PON2: variants seen among roughly 807,000 people sequenced by gnomAD.
PON2 encodes the protein serum paraoxonase/arylesterase 2.
A neutral mutation model predicts 36.6 loss-of-function variants in PON2; 27 were observed. That is an observed-to-expected ratio of 0.74 (90% CI 0.54 to 1.02). PON2 has a LOEUF of 1.02. Among genes scored for constraint, PON2 ranks in the 50% least tolerant of loss-of-function variants. PON2 has a pLI of 0.00. For missense variants in PON2, 363 were observed against 421.1 expected (o/e 0.86, Z 1.21); for synonymous variants, 149 against 156.3 (o/e 0.95, Z 0.35).
intron 5 of PON2, 71 bp downstream of exon 5, chr7:95,411,582 G>T: frequency 6.4e-7 from 1 of 1,573,128 alleles, no homozygotes; most frequent in Non-Finnish European, 8.7e-7. Context: ...AAAGATGACA[G>T]GACAACCCAC....
chr7:95,409,786 T>C (rs1788876277), intron 6 of PON2, 115 bp downstream of exon 6: 2 of 683,884 alleles, frequency 2.9e-6, no homozygotes, highest in South Asian at 1.5e-5. Flanking sequence ...ATTATATGTA[T>C]AATATACCAT....
intron 5 of PON2, among the ~76,000 whole-genome samples, chr7:95,410,827 A>C (rs1484900768): frequency 6.6e-6 from 1 of 152,158 alleles, no homozygotes; most frequent in Non-Finnish European, 1.5e-5. Flanking sequence ...AGCTACAGGG[A>C]AGGTAGGTCT....
intron 1 of PON2, among the ~76,000 whole-genome samples, chr7:95,430,923 G>T (rs1400950883): frequency 2.0e-5 from 3 of 150,692 alleles, no homozygotes; most frequent in Non-Finnish European, 3.0e-5. Context: ...AGGGAAAAAG[G>T]CTGCTCTTTC....
chr7:95,406,895 T>C (rs1247239811), intron 7 of PON2, 92 bp downstream of exon 7: 5 of 733,268 alleles, frequency 6.8e-6, no homozygotes, highest in East Asian at 5.5e-5. Context: ...CTGGCATCCA[T>C]ATTTTGTTCT....
Position 95,434,750 on chromosome 7 carries a change from A to G in PON2, c.74+128T>C, listed in dbSNP as rs536544033. The G allele has an allele frequency of 2.4e-5, 25 of 1,045,740 alleles. No homozygotes were observed. In the South Asian group the frequency reaches 3.7e-4, roughly 15 times the overall value. 64.8% of individuals were successfully genotyped at this position (1,045,740 alleles called of 1,614,324 possible). A position where few individuals can be genotyped will look rare whatever the true frequency, so the allele number is the denominator to read the frequency against. ...GCTGGGGGAGGGACAGCATTCAAAA[A>G]TTCTCCACCCCCGGCCGCAGGGCCA... On this transcript the variant is annotated intron_variant, in intron 1 of 8. Transcript: ENST00000222572.
At chr7:95,421,417 C>A (rs1190000509) in intron 2 of PON2, among the ~76,000 whole-genome samples, 1 of 152,176 alleles carries the variant, frequency 6.6e-6, no homozygotes, top group Non-Finnish European at 1.5e-5. Context: ...GCAAAAGTAA[C>A]CTAAGAGATC....
intron 3 of PON2, 172 bp downstream of exon 3, chr7:95,416,070 A>T: frequency 8.1e-7 from 1 of 1,233,560 alleles, no homozygotes; most frequent in South Asian, 1.5e-5. Flanking sequence ...AAGAGTCTTC[A>T]TCTCTACATT....
intron 1 of PON2, 66 bp downstream of exon 1, chr7:95,434,812 C>T (rs76231859): frequency 6.0e-6 from 9 of 1,509,026 alleles, no homozygotes; most frequent in African/African-American, 1.4e-5. Context: ...CTGCGCCCTC[C>T]CCGCACCACG....
chr7:95,410,496 T>G (rs1189648544), intron 5 of PON2, among the ~76,000 whole-genome samples: 1 of 152,190 alleles, frequency 6.6e-6, no homozygotes, highest in African/African-American at 2.4e-5. Flanking sequence ...CAGTAACATT[T>G]ACCTAGCTTC....
rs1254596595 is a variant in PON2, at chr7:95,406,271, A to G, written c.778-24T>C. On this transcript the variant is annotated intron_variant, in intron 7 of 8. Transcript: ENST00000222572. Reference sequence around the variant, plus strand: ...ACCTTCCAAATGAGAAATTGTCAAAATCTAAATGACATGAGAAACTTGATT... The same window carrying G: ...ACCTTCCAAATGAGAAATTGTCAAAGTCTAAATGACATGAGAAACTTGATT... The G allele has an allele frequency of 2.5e-6, 4 of 1,600,570 alleles. No individual in the cohort carries two copies. The South Asian group carries it at 4.4e-5, about 18-fold the overall frequency.
chr7:95,407,693 CATG>C (rs1335474653), intron 6 of PON2, among the ~76,000 whole-genome samples: 4 of 152,138 alleles, frequency 2.6e-5, no homozygotes, highest in Non-Finnish European at 5.9e-5. Flanking sequence ...CAGATATAAA[CATG>C]AAGAAGACAC....
chr7:95,433,740 T>A (rs1351266385), intron 1 of PON2, among the ~76,000 whole-genome samples: 1 of 152,182 alleles, frequency 6.6e-6, no homozygotes, highest in Non-Finnish European at 1.5e-5. Context: ...CCTTAGCCCC[T>A]TTGCTCCTGC....
chr7:95,415,607 A>G (rs1789043003), intron 3 of PON2, among the ~76,000 whole-genome samples: 1 of 152,178 alleles, frequency 6.6e-6, no homozygotes, highest in African/African-American at 2.4e-5. Flanking sequence ...TAATGTTAGT[A>G]TTGAGTATCC....
At chr7:95,406,349 T>C in intron 7 of PON2, 102 bp from the exon 8 acceptor site, 2 of 1,286,032 alleles carry the variant, frequency 1.6e-6, no homozygotes, top group South Asian at 2.4e-5. Flanking sequence ...AAATTACACA[T>C]CGCCCTGCTT....
chr7:95,431,245 T>C (rs961564582), intron 1 of PON2, among the ~76,000 whole-genome samples: 3 of 152,172 alleles, frequency 2.0e-5, no homozygotes, highest in Non-Finnish European at 4.4e-5. Context: ...GACATCCTTA[T>C]ACTAAAAATT....
At chr7:95,422,380 G>A (rs940542149) in intron 2 of PON2, among the ~76,000 whole-genome samples, 6 of 152,274 alleles carry the variant, frequency 3.9e-5, no homozygotes, top group African/African-American at 4.8e-5. Context: ...GGGTGATGAA[G>A]AGTTTGATGA....
intron 1 of PON2, among the ~76,000 whole-genome samples, chr7:95,425,776 T>A (rs754124068): frequency 6.6e-6 from 1 of 152,190 alleles, no homozygotes; most frequent in Non-Finnish European, 1.5e-5. Context: ...AATTAAAATG[T>A]TAATCAGTAT....
In PON2 at chr7:95,405,115, T is replaced by G; in HGVS notation, c.*215A>C. The G allele has an allele frequency of 1.9e-6, 1 of 529,822 alleles. No homozygotes were observed. The allele number at this position is 529,822 out of a possible 1,614,324, so 32.8% of individuals were successfully genotyped here. A position where few individuals can be genotyped will look rare whatever the true frequency, so the allele number is the denominator to read the frequency against. On this transcript the variant is annotated 3_prime_UTR_variant, in exon 9 of 9. Transcript: ENST00000222572. Reference sequence around the variant, plus strand: ...TCACTTTATTCGAAAGCAGCTTTCTTTTCTGTCCCTTGCTTGGCATTTTAA... The same window carrying G: ...TCACTTTATTCGAAAGCAGCTTTCTGTTCTGTCCCTTGCTTGGCATTTTAA...
chr7:95,414,821 G>A (rs963181990), intron 3 of PON2, among the ~76,000 whole-genome samples: 1 of 152,080 alleles, frequency 6.6e-6, no homozygotes, highest in Non-Finnish European at 1.5e-5. Flanking sequence ...ATTCTGTGTA[G>A]GCAATTAAAT....
Sources: gnomAD v4.1 joint callset for allele counts (sites outside exome capture counted in the v4.1 genomes callset) on GRCh38, gnomAD v4.1.1 for gene constraint, MANE v1.5 for transcripts, NCBI Gene and HGNC (gene_info 2026-07-23, HGNC 2026-07-21) for gene names.